Variants in THRB observed in about 807,000 individuals in gnomAD.
THRB encodes thyroid hormone receptor beta, also known as nuclear receptor subfamily 1 group A member 2.
In THRB, 12 loss-of-function variants were observed where a neutral mutation model predicts 47.8. The observed-to-expected ratio is 0.25, with a 90% CI of 0.16 to 0.41. The LOEUF (loss-of-function observed/expected upper bound fraction) is 0.41, where lower values mean the gene tolerates loss of function less well. THRB is among the 10% of genes least tolerant of loss of function. THRB has a pLI of 1.00. For synonymous variants in THRB, 218 were observed against 212.2 expected (o/e 1.03, Z -0.24); for missense variants, 348 against 589.2 (o/e 0.59, Z 4.24).
intron 5 of THRB, among the ~76,000 whole-genome samples, chr3:24,189,692 G>A (rs1401205940): frequency 6.6e-6 from 1 of 152,128 alleles, no homozygotes; most frequent in African/African-American, 2.4e-5. Flanking sequence ...GCACACTTGG[G>A]AAAAGAAATG....
rs60849349 is a variant in THRB at position 24,265,025 on chromosome 3, C to T, written c.-43+32201G>A. Among the ~76,000 whole-genome samples, 994 of 151,984 alleles carry T rather than the reference C, an allele frequency of 6.5e-3. 13 individuals are homozygous for T. The highest frequency in any genetic ancestry group is 0.023 in the African/African-American group (945 of 41,430). Reference sequence around the variant, plus strand: ...CAGAGTAATTAGACAGAGAATGCCTCGAGGGGAAAGTTAATGGGAACATTA... The same window carrying T: ...CAGAGTAATTAGACAGAGAATGCCTTGAGGGGAAAGTTAATGGGAACATTA... On this transcript the variant is annotated intron_variant, in intron 3 of 10. Coordinates refer to ENST00000646209, the MANE Select transcript of THRB (RefSeq NM_001354712.2).
chr3:24,259,631 T>C (rs1376625808), intron 3 of THRB, among the ~76,000 whole-genome samples: 36 of 148,686 alleles, frequency 2.4e-4, no homozygotes, highest in African/African-American at 8.9e-4. Flanking sequence ...TTTTTTTTTT[T>C]TTTTTTTTTT....
chr3:24,388,192 A>T (rs775545519), intron 1 of THRB, among the ~76,000 whole-genome samples: 49 of 152,090 alleles, frequency 3.2e-4, no homozygotes, highest in Non-Finnish European at 2.5e-4. Flanking sequence ...GGTTCATGCC[A>T]AGGTATAAAG....
At chr3:24,246,419 A>C (rs2050116852) in intron 3 of THRB, among the ~76,000 whole-genome samples, 4 of 152,172 alleles carry the variant, frequency 2.6e-5, no homozygotes, top group Admixed American at 2.6e-4. Flanking sequence ...GTACGGTTGC[A>C]GTTTTTGAAA....
chr3:24,167,871 A>G (rs895853675), intron 5 of THRB, among the ~76,000 whole-genome samples: 7 of 152,142 alleles, frequency 4.6e-5, no homozygotes, highest in Non-Finnish European at 8.8e-5. Context: ...GAAAAATTGG[A>G]GAGTTATTCT....
intron 3 of THRB, among the ~76,000 whole-genome samples, chr3:24,266,327 C>T (rs1191838050): frequency 1.3e-5 from 2 of 152,140 alleles, no homozygotes; most frequent in African/African-American, 2.4e-5. Context: ...GTAGGAATAG[C>T]TGGGCTGTGG....
chr3:24,471,185 A>G (rs922091449), intron 1 of THRB, among the ~76,000 whole-genome samples: 6 of 152,230 alleles, frequency 3.9e-5, no homozygotes, highest in Admixed American at 3.3e-4. Context: ...AGTGGTTTGT[A>G]GAAAGCAGAA....
chr3:24,254,524 T>G (rs901763484), intron 3 of THRB, among the ~76,000 whole-genome samples: 6 of 152,128 alleles, frequency 3.9e-5, no homozygotes, highest in African/African-American at 1.4e-4. Flanking sequence ...ACAGTGTCAC[T>G]AAAATAAATA....
intron 1 of THRB, among the ~76,000 whole-genome samples, chr3:24,476,507 A>T (rs1315739301): frequency 1.3e-5 from 2 of 152,256 alleles, no homozygotes; most frequent in Non-Finnish European, 2.9e-5. Context: ...TAAATCTGCA[A>T]AGCTAAATGA....
At chr3:24,376,656 AATGCCTTAGAAGGACT>A (rs2065316506) in intron 1 of THRB, among the ~76,000 whole-genome samples, 1 of 151,930 alleles carries the variant, frequency 6.6e-6, no homozygotes, top group Non-Finnish European at 1.5e-5. Context: ...AAAAAAAGGC[AATGCCTTAGAAGGACT>A]ACTCTAATCC....
intron 4 of THRB, among the ~76,000 whole-genome samples, chr3:24,209,187 A>G (rs2045742388): frequency 6.6e-6 from 1 of 152,250 alleles, no homozygotes; most frequent in South Asian, 2.1e-4. Flanking sequence ...AGGAAACAAC[A>G]GATGCTAGAG....
chr3:24,180,499 C>T (rs926345480), intron 5 of THRB, among the ~76,000 whole-genome samples: 7 of 152,188 alleles, frequency 4.6e-5, no homozygotes, highest in African/African-American at 1.7e-4. Flanking sequence ...TGACAAATGT[C>T]ATGGGGACAG....
In THRB at chr3:24,260,632, C is replaced by T. The variant is rs572866652; in HGVS notation, c.-42-31631G>A. 2.2e-4 allele frequency among the ~76,000 whole-genome samples: 33 copies of T among 152,230 alleles called. 1 individual carries two copies. The highest frequency in any genetic ancestry group is 1.2e-3 in the South Asian group (6 of 4,814). Reference sequence around the variant, plus strand: ...AGACACATGGCCATGAACTCAGGTGCGCACTAAATGCTCTCAGGCACTCAC... The same window carrying T: ...AGACACATGGCCATGAACTCAGGTGTGCACTAAATGCTCTCAGGCACTCAC... On this transcript the variant is annotated intron_variant, in intron 3 of 10. Coordinates refer to ENST00000646209, the MANE Select transcript of THRB (RefSeq NM_001354712.2).
intron 1 of THRB, among the ~76,000 whole-genome samples, chr3:24,460,458 A>G (rs1351815571): frequency 1.3e-5 from 2 of 152,172 alleles, no homozygotes; most frequent in Non-Finnish European, 2.9e-5. Context: ...ATTCATGATT[A>G]TTATTTTTGA....
chr3:24,170,677 A>G (rs2149347645), intron 5 of THRB, among the ~76,000 whole-genome samples: 1 of 152,174 alleles, frequency 6.6e-6, no homozygotes, highest in South Asian at 2.1e-4. Flanking sequence ...TCCTCCCTTT[A>G]GCTCTTCACA....
At chr3:24,176,033 C>A (rs1479417331) in intron 5 of THRB, among the ~76,000 whole-genome samples, 1 of 152,096 alleles carries the variant, frequency 6.6e-6, no homozygotes, top group African/African-American at 2.4e-5. Flanking sequence ...TAATGTGTTT[C>A]AACACAAATT....
chr3:24,351,807 C>A (rs1477613229), intron 1 of THRB, among the ~76,000 whole-genome samples: 1 of 152,148 alleles, frequency 6.6e-6, no homozygotes, highest in Admixed American at 6.6e-5. Context: ...GTCTGTAGTG[C>A]TAGACACATG....
chr3:24,130,263 A>G (rs566542165), intron 9 of THRB, among the ~76,000 whole-genome samples: 1 of 152,296 alleles, frequency 6.6e-6, no homozygotes, highest in South Asian at 2.1e-4. Context: ...GGAAACTTGG[A>G]TAGATAAGCT....
intron 3 of THRB, among the ~76,000 whole-genome samples, chr3:24,237,510 G>C (rs1325287280): frequency 6.6e-6 from 1 of 151,888 alleles, no homozygotes; most frequent in African/African-American, 2.4e-5. Flanking sequence ...CAATATCCAG[G>C]CCAAATCATT....
Sources: gnomAD v4.1 joint callset for allele counts (sites outside exome capture counted in the v4.1 genomes callset) on GRCh38, gnomAD v4.1.1 for gene constraint, MANE v1.5 for transcripts, NCBI Gene and HGNC (gene_info 2026-07-23, HGNC 2026-07-21) for gene names.